The following RALY variants were observed in gnomAD, a reference collection of about 807,000 sequenced individuals.
The protein encoded by RALY is RNA-binding protein Raly.
A neutral mutation model predicts 30.7 loss-of-function variants in RALY; 15 were observed. The observed-to-expected ratio is 0.49, with a 90% CI of 0.33 to 0.75. The LOEUF (loss-of-function observed/expected upper bound fraction) is 0.75. RALY is among the 30% of genes least tolerant of loss of function. The pLI, the probability that RALY is intolerant of heterozygous loss-of-function variation, is 0.02. For synonymous variants in RALY, 177 were observed against 170.8 expected, an observed-to-expected ratio of 1.04 and a Z score of -0.28; for missense variants, 339 against 414.3, an observed-to-expected ratio of 0.82 and a Z score of 1.58.
chr20:34,002,468 A>G (rs977484075), intron 1 of RALY, among the ~76,000 whole-genome samples: 3 of 152,230 alleles, frequency 2.0e-5, no homozygotes, highest in African/African-American at 7.2e-5. Flanking sequence ...TTCAGTCTTG[A>G]GAGGAAGACA....
At chr20:34,028,008 C>T (rs1467385069) in intron 1 of RALY, among the ~76,000 whole-genome samples, 1 of 152,140 alleles carries the variant, frequency 6.6e-6, no homozygotes, top group Non-Finnish European at 1.5e-5. Flanking sequence ...AATCTTATAA[C>T]TGGCTGGGCG....
At chr20:34,035,180 A>AC (rs1357529416) in intron 2 of RALY, among the ~76,000 whole-genome samples, 8 of 142,480 alleles carry the variant, frequency 5.6e-5, no homozygotes, top group Middle Eastern at 3.5e-3. Context: ...AAAAAAAAAA[A>AC]AAAAAAACAG....
chr20:34,018,465 C>CT (rs1482216203), intron 1 of RALY, among the ~76,000 whole-genome samples: 1 of 152,188 alleles, frequency 6.6e-6, no homozygotes, highest in African/African-American at 2.4e-5. Flanking sequence ...CCTGCCCCTC[C>CT]TTTCTGTGTT....
chr20:34,056,545 A>T (rs935072172), intron 2 of RALY, among the ~76,000 whole-genome samples: 6 of 152,234 alleles, frequency 3.9e-5, no homozygotes, highest in Admixed American at 2.0e-4. Context: ...TGGCAGTAAT[A>T]GGTGAACAAT....
chr20:34,077,968 C>T (rs1020969090), intron 8 of RALY, among the ~76,000 whole-genome samples: 3 of 152,260 alleles, frequency 2.0e-5, no homozygotes, highest in Non-Finnish European at 4.4e-5. Flanking sequence ...CTCGTAGGGA[C>T]TGAGCCAGGG....
intron 1 of RALY, among the ~76,000 whole-genome samples, chr20:33,999,618 G>A (rs2030816541): frequency 6.6e-6 from 1 of 152,170 alleles, no homozygotes; most frequent in Non-Finnish European, 1.5e-5. Flanking sequence ...CTAAGCCGAA[G>A]CCACTTCTCT....
chr20:33,995,019 T>C (rs1276281153), intron 1 of RALY, among the ~76,000 whole-genome samples: 1 of 152,210 alleles, frequency 6.6e-6, no homozygotes, highest in East Asian at 1.9e-4. Context: ...CTATTATTTA[T>C]TAATATTTCC....
intron 3 of RALY, among the ~76,000 whole-genome samples, chr20:34,073,303 G>GT (rs1281958405): frequency 1.3e-5 from 2 of 152,012 alleles, no homozygotes; most frequent in African/African-American, 4.8e-5. Context: ...TGGTGGGGCG[G>GT]GGGGGAGGAC....
chr20:34,012,420 A>G (rs544489960), intron 1 of RALY, among the ~76,000 whole-genome samples: 12 of 151,510 alleles, frequency 7.9e-5, no homozygotes, highest in African/African-American at 2.7e-4. Flanking sequence ...AGATAGATCT[A>G]TCCCTCGTTG....
chr20:34,068,497 T>C (rs536137027), intron 2 of RALY, among the ~76,000 whole-genome samples: 31 of 152,304 alleles, frequency 2.0e-4, no homozygotes, highest in Non-Finnish European at 4.0e-4. Flanking sequence ...CTGGGACATA[T>C]GTTTAACCAC....
At chr20:34,049,270 A>G (rs2032996995) in intron 2 of RALY, 2 of 154,432 alleles carry the variant, frequency 1.3e-5, no homozygotes, top group Middle Eastern at 5.2e-4. Context: ...GTATGGTTGT[A>G]AAGAACCCTG....
intron 2 of RALY, among the ~76,000 whole-genome samples, chr20:34,067,816 CTTTT>C (rs11480087): frequency 2.1e-4 from 28 of 132,670 alleles, no homozygotes; most frequent in African/African-American, 6.8e-4. Context: ...TTTCTTTTTT[CTTTT>C]TTTTTTTTTT....
Position 34,060,078 on chromosome 20 carries a change from C to T in RALY, c.-9-11988C>T, listed in dbSNP as rs180857964. 2.3e-3 allele frequency among the ~76,000 whole-genome samples: 349 copies of T among 152,310 alleles called. 1 individual carries two copies. The highest frequency in any genetic ancestry group is 7.4e-3 in the African/African-American group (309 of 41,578). On this transcript the variant is annotated intron_variant, in intron 2 of 9. Transcript: ENST00000246194. ...TTCCTTTTATGTTCAAGGCACATTT[C>T]CAAATACTAGAGTTTTGGTGAGACA...
At chr20:34,023,602 C>T (rs1242436860) in intron 1 of RALY, among the ~76,000 whole-genome samples, 1 of 152,012 alleles carries the variant, frequency 6.6e-6, no homozygotes, top group Non-Finnish European at 1.5e-5. Context: ...AAGTCTTAAG[C>T]GGGTGACTAA....
At chr20:34,035,169 A>C (rs1174182400) in intron 2 of RALY, among the ~76,000 whole-genome samples, 6 of 119,990 alleles carry the variant, frequency 5.0e-5, no homozygotes, top group East Asian at 3.9e-4. Context: ...AAAAAAAAAA[A>C]AAAAAAAAAA....
rs2034070100 is a variant in RALY, at chr20:34,084,235, C to T, written c.*4330C>T. ...TACTTGGGGGACTACAGTGGGAGAT[C>T]ATTTGCACCTAGGAGGTTAATGCTG... On this transcript the variant is annotated 3_prime_UTR_variant, in exon 10 of 10. Coordinates refer to ENST00000246194, the MANE Select transcript of RALY (RefSeq NM_016732.3). 6.6e-6 allele frequency: 1 copy of T among 152,072 alleles called. No individual in the cohort carries two copies. Among genetic ancestry groups the T allele is most frequent in the African/African-American group, 2.4e-5 (1 of 41,394 alleles). 9.4% of individuals were successfully genotyped at this position (152,072 alleles called of 1,614,324 possible).
At chr20:34,002,544 A>T (rs1178201356) in intron 1 of RALY, among the ~76,000 whole-genome samples, 1 of 152,230 alleles carries the variant, frequency 6.6e-6, no homozygotes, top group Non-Finnish European at 1.5e-5. Context: ...TCAAACGGAA[A>T]ATAACATAAT....
chr20:34,041,733 A>G (rs530496594), intron 2 of RALY, among the ~76,000 whole-genome samples: 2 of 152,332 alleles, frequency 1.3e-5, no homozygotes, highest in African/African-American at 4.8e-5. Context: ...ATTTTAGGAT[A>G]TCAGAGTGGG....
rs753545335 is a variant in RALY, at chr20:34,077,165, G to T, written c.796G>T (p.Ala266Ser). 2.2e-5 allele frequency: 36 copies of T among 1,613,588 alleles called. No homozygotes were observed. Among genetic ancestry groups the T allele is most frequent in the Non-Finnish European group, 3.0e-5 (35 of 1,179,944 alleles). ...CCCCCAAGAGAACACAACTTCTGAG[G>T]CAGGCCTGCCCCAGGGGGAAGCACG... ...PAPQENTTSEAGLPQGEARTR... is the reference protein window; with the variant it reads ...PAPQENTTSESGLPQGEARTR... The change falls in exon 8 of 10, where the codon GCA becomes TCA. Residue 266 changes from alanine to serine, a missense_variant. This residue lies in a region of RALY where 268 missense variants were observed against 280.6 expected (regional missense o/e 0.95). Coordinates refer to ENST00000246194, the MANE Select transcript of RALY (RefSeq NM_016732.3).
Sources: gnomAD v4.1 joint callset for allele counts (sites outside exome capture counted in the v4.1 genomes callset) on GRCh38, gnomAD v4.1.1 for gene constraint, gnomAD v4.1.1 regional missense constraint, MANE v1.5 for transcripts, NCBI Gene and HGNC (gene_info 2026-07-23, HGNC 2026-07-21) for gene names.